Variants in PPP2R2C observed in about 807,000 individuals in gnomAD.
The protein encoded by PPP2R2C is protein phosphatase 2 regulatory subunit Bgamma.
PPP2R2C carries 10 observed loss-of-function variants against 45.3 expected under a neutral mutation model. The observed-to-expected ratio is 0.22, with a 90% CI of 0.14 to 0.37. The LOEUF (loss-of-function observed/expected upper bound fraction) is 0.37, where lower values mean the gene tolerates loss of function less well. Among genes scored for constraint, PPP2R2C ranks in the 10% least tolerant of loss-of-function variants. PPP2R2C has a pLI of 1.00. For synonymous variants in PPP2R2C, 257 were observed against 245.4 expected, an observed-to-expected ratio of 1.05 and a Z score of -0.44; for missense variants, 308 against 619.7, an observed-to-expected ratio of 0.50 and a Z score of 5.34.
chr4:6,332,771 C>G lies in PPP2R2C; in HGVS notation c.960+791G>C, dbSNP rs998112523. ...GACAGATGTCAAGCACGTGGCACCC[C>G]ATGTGTGAGGAGTGACACGGTGAGG... On this transcript the variant is annotated intron_variant, in intron 7 of 8. Coordinates refer to ENST00000382599, the MANE Select transcript of PPP2R2C (RefSeq NM_020416.4). This position sits in a 1 kb window ranked among gnomAD's most constrained non-coding sequence, Gnocchi z 4.9. 3.3e-5 allele frequency among the ~76,000 whole-genome samples: 5 copies of G among 152,082 alleles called. No homozygotes were observed. Among genetic ancestry groups the G allele is most frequent in the Non-Finnish European group, 7.4e-5 (5 of 68,018 alleles).
chr4:6,367,090 A>G (rs1012580137), intron 5 of PPP2R2C, among the ~76,000 whole-genome samples: 2 of 151,542 alleles, frequency 1.3e-5, no homozygotes, highest in Non-Finnish European at 2.9e-5. Context: ...TCTTCCTTGA[A>G]CCTTGGTGAC....
intron 6 of PPP2R2C, among the ~76,000 whole-genome samples, chr4:6,335,710 T>C (rs1732793067): frequency 6.7e-6 from 1 of 149,248 alleles, no homozygotes; most frequent in African/African-American, 2.5e-5. Flanking sequence ...ACCATCCTGA[T>C]CCCAGGCCAC....
intron 1 of PPP2R2C, among the ~76,000 whole-genome samples, chr4:6,418,840 C>T (rs1027595280): frequency 7.9e-5 from 12 of 152,220 alleles, no homozygotes; most frequent in African/African-American, 1.9e-4. Flanking sequence ...AAATCTCCCC[C>T]GAGCTCGGCC....
chr4:6,351,322 TA>T (rs1370894890), intron 5 of PPP2R2C: 1 of 931,302 alleles, frequency 1.1e-6, no homozygotes, highest in African/African-American at 1.8e-5. Context: ...CAAAAATAAA[TA>T]AATAAATTAA....
At position 6,336,633 on chromosome 4, in the gene PPP2R2C, TTCCCTCCC is replaced by T. The variant is rs1343697765; in HGVS notation, c.791-2910_791-2903del. ...GAGTGCTGCAGCCCTACTGACTTAC[TTCCCTCCC>T]TCCCTCCCTCCCTCCCTCCCTCCCT... On this transcript the variant is annotated intron_variant, in intron 6 of 8. Transcript: ENST00000382599. Among the ~76,000 whole-genome samples, 23 of 76,806 alleles carry T rather than the reference TTCCCTCCC, an allele frequency of 3.0e-4. 6 individuals carry two copies. The highest frequency in any genetic ancestry group is 1.4e-3 in the African/African-American group (23 of 16,154). 50.4% of individuals were successfully genotyped at this position (76,806 alleles called of 152,430 possible). A position where few individuals can be genotyped will look rare whatever the true frequency, so the allele number is the denominator to read the frequency against.
intron 8 of PPP2R2C, among the ~76,000 whole-genome samples, chr4:6,323,943 C>G (rs1174617413): frequency 6.6e-6 from 1 of 151,806 alleles, no homozygotes; most frequent in Non-Finnish European, 1.5e-5. Context: ...AACTCTGTCC[C>G]AAAACAACAA....
At chr4:6,392,496 G>A (rs1046143182) in intron 1 of PPP2R2C, among the ~76,000 whole-genome samples, 4 of 152,196 alleles carry the variant, frequency 2.6e-5, no homozygotes, top group Non-Finnish European at 5.9e-5. Context: ...TGGGGGAGAC[G>A]CATTTGAGCA....
chr4:6,472,389 G>A lies in PPP2R2C; in HGVS notation c.-160C>T, dbSNP rs1447058980. On this transcript the variant is annotated 5_prime_UTR_variant, in exon 1 of 9. Transcript: ENST00000382599. ...GCATCGCGGCAGGGGGACGGGCGGGGGCGGCCGGGGGCGGGCGCCGCGGTC... is the reference window on the plus strand; with the variant it reads ...GCATCGCGGCAGGGGGACGGGCGGGAGCGGCCGGGGGCGGGCGCCGCGGTC... The A allele has an allele frequency of 9.5e-6, 9 of 948,128 alleles. No homozygotes were observed. The highest frequency in any genetic ancestry group is 4.7e-5 in the South Asian group (1 of 21,192). The allele number at this position is 948,128 out of a possible 1,614,324, so 58.7% of individuals were successfully genotyped here.
At chr4:6,340,389 G>A (rs549461245) in intron 6 of PPP2R2C, among the ~76,000 whole-genome samples, 1 of 40,122 alleles carries the variant, frequency 2.5e-5, no homozygotes, top group African/African-American at 4.9e-5. Context: ...ATGCATCAGA[G>A]GGCTCCTGAT....
chr4:6,364,314 G>A lies in PPP2R2C; in HGVS notation c.625+8209C>T, dbSNP rs777905398. Among the ~76,000 whole-genome samples the A allele has an allele frequency of 2.0e-5, 3 of 152,218 alleles. No homozygotes were observed. The highest frequency in any genetic ancestry group is 4.8e-5 in the African/African-American group (2 of 41,448). ...GCTGGAAATATGGTGAAGAGCAGGG[G>A]GCCGGGAACGCTGAGCCCAGGGAGC... On this transcript the variant is annotated intron_variant, in intron 5 of 8. Transcript: ENST00000382599. The surrounding 1 kb of genome is among the most constrained non-coding windows in gnomAD (Gnocchi z 5.3).
chr4:6,513,773 G>C (rs972928056), intron 2 of PPP2R2C, among the ~76,000 whole-genome samples: 1 of 152,198 alleles, frequency 6.6e-6, no homozygotes, highest in Non-Finnish European at 1.5e-5. Flanking sequence ...ACCCCAGAAG[G>C]GGTGGTGGGC....
Position 6,378,412 on chromosome 4 carries a change from G to C in PPP2R2C, c.329C>G (p.Thr110Ser). Residue 110 changes from threonine (T) to serine (S), a missense_variant, in exon 3 of 9, where the codon ACC (threonine) becomes AGC (serine). Thr to Ser is a moderately conservative substitution (Grantham distance 58). Coordinates refer to ENST00000382599, the MANE Select transcript of PPP2R2C (RefSeq NM_020416.4). The surrounding 1 kb of genome is among the most constrained non-coding windows in gnomAD (Gnocchi z 5.2). ...GAGGCCGGGCAGCGCCTCACCGTTG[G>C]TGGACAGGAGTGAGTGGGCGGCGTT... ...QQNAAHSLLS[T>S]NDKTIKLWKI... The C allele has an allele frequency of 2.5e-6, 4 of 1,614,196 alleles. No individual in the cohort carries two copies. Among genetic ancestry groups the C allele is most frequent in the Non-Finnish European group, 3.4e-6 (4 of 1,180,050 alleles).
At chr4:6,475,685 T>G (rs991921648), upstream of PPP2R2C, among the ~76,000 whole-genome samples, 5 of 152,188 alleles carry the variant, frequency 3.3e-5, no homozygotes, top group South Asian at 4.1e-4. Context: ...CGCTGCCACT[T>G]CTCAGCAGGT....
intron 5 of PPP2R2C, among the ~76,000 whole-genome samples, chr4:6,363,011 C>T (rs755650489): frequency 6.6e-6 from 1 of 152,174 alleles, no homozygotes; most frequent in Non-Finnish European, 1.5e-5. Flanking sequence ...CAGTTAACAT[C>T]GGCAGCGTGC....
intron 1 of PPP2R2C, among the ~76,000 whole-genome samples, chr4:6,443,985 G>A (rs772983618): frequency 3.9e-5 from 6 of 152,204 alleles, no homozygotes; most frequent in Non-Finnish European, 7.3e-5. Flanking sequence ...GACTGCGAGA[G>A]AGCTTGGAAA....
At chr4:6,547,568 G>A (rs1234892521) in intron 1 of PPP2R2C, among the ~76,000 whole-genome samples, 1 of 152,002 alleles carries the variant, frequency 6.6e-6, no homozygotes, top group Non-Finnish European at 1.5e-5. Flanking sequence ...TCTAATAAAC[G>A]CTCTGCGGAT....
chr4:6,325,415 G>T (rs2109149391), intron 8 of PPP2R2C, among the ~76,000 whole-genome samples: 1 of 152,332 alleles, frequency 6.6e-6, no homozygotes, highest in African/African-American at 2.4e-5. Flanking sequence ...GAGTCCCACA[G>T]AAGGGCCCTG....
intron 6 of PPP2R2C, among the ~76,000 whole-genome samples, chr4:6,338,063 C>G (rs1312148315): frequency 6.6e-6 from 1 of 152,030 alleles, no homozygotes; most frequent in East Asian, 1.9e-4. Context: ...CCCCGCTGCA[C>G]CACCTTCAGA....
At chr4:6,541,774 C>T (rs574718594) in intron 1 of PPP2R2C, among the ~76,000 whole-genome samples, 118 of 152,294 alleles carry the variant, frequency 7.7e-4, no homozygotes, top group African/African-American at 2.6e-3. Flanking sequence ...AAGTGATCCA[C>T]CCACCTTGGC....
Sources: gnomAD v4.1 joint callset for allele counts (sites outside exome capture counted in the v4.1 genomes callset) on GRCh38, gnomAD v4.1.1 for gene constraint, Gnocchi (gnomAD v3.1) non-coding constraint, MANE v1.5 for transcripts, NCBI Gene and HGNC (gene_info 2026-07-23, HGNC 2026-07-21) for gene names.